Variants in DNMT1 observed in about 807,000 individuals in gnomAD.
DNMT1 encodes DNA (cytosine-5)-methyltransferase 1.
Under a neutral mutation model 205.3 loss-of-function variants are expected in DNMT1, and 24 were observed. That is an observed-to-expected ratio of 0.12 (90% confidence interval 0.08 to 0.16). DNMT1 has a LOEUF of 0.16. DNMT1 is among the 10% of genes least tolerant of loss of function. DNMT1 has a pLI of 1.00. For missense variants in DNMT1, 1,293 were observed against 2,177.7 expected, an observed-to-expected ratio of 0.59 and a Z score of 8.09; for synonymous variants, 817 against 839.8, an observed-to-expected ratio of 0.97 and a Z score of 0.47.
intron 6 of DNMT1, among the ~76,000 whole-genome samples, chr19:10,176,440 CTGTT>C (rs1011229024): frequency 1.3e-5 from 2 of 152,224 alleles, no homozygotes; most frequent in African/African-American, 4.8e-5. Context: ...CAAACGCTGT[CTGTT>C]TGCCACACGG....
intron 6 of DNMT1, 137 bp from the exon 7 acceptor site, chr19:10,175,755 T>C: frequency 1.2e-6 from 1 of 859,264 alleles, no homozygotes; most frequent in Non-Finnish European, 1.9e-6. Context: ...GTTTAGAATG[T>C]TGTCTTGCCA....
chr19:10,165,016 C>T (rs1381664404), intron 11 of DNMT1, among the ~76,000 whole-genome samples: 1 of 140,302 alleles, frequency 7.1e-6, no homozygotes, highest in Non-Finnish European at 1.5e-5. Flanking sequence ...CACTCCGCCA[C>T]TTTGGGGGAC....
In DNMT1 at chr19:10,137,272, A is replaced by G. The variant is rs577313883; in HGVS notation, c.4302T>C (p.Ser1434=). The part of the protein sequence containing the change: ...ILRDHICKDM[S]ALVAARMRHI... ...GCCGCATGCGGGCAGCCACCAATGC[A>G]CTCATGTCCTGAAAGAGTGTGGGGG... Residue 1434 remains serine, a synonymous_variant, in exon 37 of 41, where the codon AGT becomes AGC. Coordinates refer to ENST00000359526, the MANE Select transcript of DNMT1 (RefSeq NM_001130823.3). This position sits in a 1 kb window ranked among gnomAD's most constrained non-coding sequence, Gnocchi z 6.4. 9 of 1,607,006 alleles carry G rather than the reference A, an allele frequency of 5.6e-6. No homozygotes were observed. In the East Asian group the frequency reaches 2.0e-4, roughly 36 times the overall value.
At chr19:10,141,739 C>T (rs1568224478) in intron 30 of DNMT1, 4 of 439,298 alleles carry the variant, frequency 9.1e-6, no homozygotes, top group Admixed American at 7.5e-5. Context: ...TGGTCCTCAA[C>T]GTTCAGTTGC....
Position 10,180,483 on chromosome 19 carries a change from A to T in DNMT1, c.312T>A (p.Asn104Lys). ...CTTGGTTCCCGTTTTCTAGACGTCC[A>T]TTCACTTCCCGGTTGTAAGCATGAG... The part of the protein sequence containing the change: ...NGAHAYNREV[N>K]GRLENGNQAR... The change falls in exon 4 of 41, where the codon AAT (asparagine) becomes AAA (lysine). Residue 104 changes from asparagine to lysine, a missense_variant. Physicochemically the swap from Asn to Lys is moderately conservative, Grantham distance 94. Transcript: ENST00000359526. The T allele has an allele frequency of 6.2e-7, 1 of 1,614,070 alleles. No individual in the cohort carries two copies. Among genetic ancestry groups the T allele is most frequent in the Non-Finnish European group, 8.5e-7 (1 of 1,180,022 alleles).
intron 1 of DNMT1, among the ~76,000 whole-genome samples, chr19:10,185,328 G>A (rs905965092): frequency 6.6e-6 from 1 of 151,964 alleles, no homozygotes; most frequent in Admixed American, 6.6e-5. Context: ...AGGAGGCTGA[G>A]GCAGAAGAAT....
Position 10,146,417 on chromosome 19 carries a change from G to C in DNMT1, c.2828C>G (p.Thr943Ser). The change falls in exon 28 of 41, where the codon ACC (threonine) becomes AGC (serine). Residue 943 changes from threonine (T) to serine (S), a missense_variant. This residue lies in a region of DNMT1 where 112 missense variants were observed against 116.6 expected (regional missense o/e 0.96). Transcript: ENST00000359526. This position sits in a 1 kb window ranked among gnomAD's most constrained non-coding sequence, Gnocchi z 4.4. ...AACTCGGTACAGGATGCCGTTCTTG[G>C]TGGCTGAGTAGTAGAGGACCCGGCT... ...LDSRVLYYSA[T>S]KNGILYRVGD... The C allele has an allele frequency of 6.2e-7, 1 of 1,614,152 alleles. No individual in the cohort carries two copies. The highest frequency in any genetic ancestry group is 1.1e-5 in the South Asian group (1 of 91,070).
At chr19:10,163,781 G>A (rs1045461651) in intron 11 of DNMT1, among the ~76,000 whole-genome samples, 3 of 152,196 alleles carry the variant, frequency 2.0e-5, no homozygotes, top group Non-Finnish European at 1.5e-5. Context: ...AGTGGCATGT[G>A]CCTGTAAACC....
At chr19:10,160,156 T>G in intron 14 of DNMT1, 93 bp from the exon 15 acceptor site, 1 of 1,595,822 alleles carries the variant, frequency 6.3e-7, no homozygotes, top group African/African-American at 1.3e-5. Flanking sequence ...GAGGTGCCTG[T>G]GGCACAGGGA....
In DNMT1 at chr19:10,173,673, G is replaced by GT. The variant is rs965095085; in HGVS notation, c.683+197dup. On this transcript the variant is annotated intron_variant, in intron 8 of 40. Transcript: ENST00000359526. Reference sequence around the variant, plus strand: ...CGCCCAGCTAAGTTTTGAATTTTTAGTAGAGACGGGGTTTCGCCATGTTGG... The same window carrying GT: ...CGCCCAGCTAAGTTTTGAATTTTTAGTTAGAGACGGGGTTTCGCCATGTTGG... Among the ~76,000 whole-genome samples the GT allele has an allele frequency of 5.5e-4, 83 of 152,030 alleles. 1 individual carries two copies. The highest frequency in any genetic ancestry group is 1.5e-4 in the Non-Finnish European group (10 of 67,978).
At chr19:10,160,882 C>T (rs1286305673) in intron 13 of DNMT1, among the ~76,000 whole-genome samples, 1 of 152,124 alleles carries the variant, frequency 6.6e-6, no homozygotes, top group Non-Finnish European at 1.5e-5. Flanking sequence ...GTGAGTGAGA[C>T]TCCATCTCAA....
chr19:10,180,759 A>T lies in DNMT1; in HGVS notation c.225+19T>A. ...AGGAGACATTTTTCTAGAGGCTAGG[A>T]TGCTGAGAACTGACTTACCTCGGAT... On this transcript the variant is annotated intron_variant, in intron 3 of 40. Transcript: ENST00000359526. 3.1e-6 allele frequency: 5 copies of T among 1,611,232 alleles called. No homozygotes were observed. The highest frequency in any genetic ancestry group is 4.2e-6 in the Non-Finnish European group (5 of 1,177,558).
intron 1 of DNMT1, among the ~76,000 whole-genome samples, chr19:10,187,362 G>T (rs986669296): frequency 6.6e-6 from 1 of 152,080 alleles, no homozygotes; most frequent in Admixed American, 6.6e-5. Flanking sequence ...TCTACACTCG[G>T]GAAGCCAGGA....
In DNMT1 at chr19:10,138,901, C is replaced by A. The variant is rs946975152; in HGVS notation, c.3949-296G>T. On this transcript the variant is annotated intron_variant, in intron 34 of 40. Transcript: ENST00000359526. This position sits in a 1 kb window ranked among gnomAD's most constrained non-coding sequence, Gnocchi z 4.1. ...GCAAGGGCCCCAAGGTCTTAGCACTCGGGGAGAACACTGGAGACCAGGAGC... is the reference window on the plus strand; with the variant it reads ...GCAAGGGCCCCAAGGTCTTAGCACTAGGGGAGAACACTGGAGACCAGGAGC... Among the ~76,000 whole-genome samples, 1 of 152,174 alleles carries A rather than the reference C, an allele frequency of 6.6e-6. No homozygotes were observed. The highest frequency in any genetic ancestry group is 1.5e-5 in the Non-Finnish European group (1 of 68,032).
rs764212584 is a variant in DNMT1 at position 10,173,141 on chromosome 19, T to G, written c.717A>C (p.Glu239Asp). 3 of 1,614,038 alleles carry G rather than the reference T, an allele frequency of 1.9e-6. No homozygotes were observed. In the Admixed American group the frequency reaches 5.0e-5, roughly 27 times the overall value. Residue 239 changes from glutamate to aspartate, a missense_variant, in exon 9 of 41, where the codon GAA (glutamate) becomes GAC (aspartate). Glu to Asp is a conservative substitution (Grantham distance 45, BLOSUM62 2). This residue lies in a region of DNMT1 where 394 missense variants were observed against 451.6 expected (regional missense o/e 0.87). Transcript: ENST00000359526. ...VARPLPAEEP[E>D]RAKSGTRTEK... The stretch of plus-strand genomic sequence containing the variant: ...CAGTGCGCGTTCCTGATTTTGCTCT[T>G]TCAGGTTCTTCTGCAGGAAGCGGTC...
At chr19:10,184,212 G>A (rs1056867234) in intron 1 of DNMT1, 1 of 152,214 alleles carries the variant, frequency 6.6e-6, no homozygotes, top group South Asian at 2.1e-4. Flanking sequence ...CAGGGCCACA[G>A]GACACTGTGG....
chr19:10,139,685 G>T lies in DNMT1; in HGVS notation c.3939C>A (p.Gly1313=). 1 of 1,613,070 alleles carries T rather than the reference G, an allele frequency of 6.2e-7. No individual in the cohort carries two copies. Among genetic ancestry groups the T allele is most frequent in the Non-Finnish European group, 8.5e-7 (1 of 1,179,900 alleles). Residue 1313 remains glycine, a synonymous_variant, in exon 34 of 41, where the codon GGC becomes GGA. Transcript: ENST00000359526. The part of the protein sequence containing the change: ...LVRMGYQCTF[G]VLQAGQYGVA... ...CAGCCCCAGGGCCCACCTGCAGCAC[G>T]CCGAAGGTGCACTGATAGCCCATGC... is the stretch of plus-strand genomic sequence containing the variant.
intron 30 of DNMT1, 170 bp downstream of exon 30, chr19:10,141,858 T>C: frequency 1.4e-6 from 1 of 714,800 alleles, no homozygotes; most frequent in Non-Finnish European, 2.3e-6. Flanking sequence ...TGGAGAACCC[T>C]GCTCAGACCC....
intron 9 of DNMT1, among the ~76,000 whole-genome samples, 190 bp downstream of exon 9, chr19:10,172,900 C>A (rs574136065): frequency 4.6e-5 from 7 of 152,230 alleles, no homozygotes; most frequent in Admixed American, 3.9e-4. Flanking sequence ...TCATAACCCA[C>A]CTTTCATGTA....
Sources: allele counts gnomAD v4.1 joint callset (sites outside exome capture counted in the v4.1 genomes callset), GRCh38; gene constraint gnomAD v4.1.1; regional missense constraint gnomAD v4.1.1; non-coding constraint Gnocchi (gnomAD v3.1); transcripts MANE v1.5; gene names NCBI Gene and HGNC (gene_info 2026-07-23, HGNC 2026-07-21).